DHX37: variants seen among roughly 807,000 people sequenced by gnomAD.
DHX37 encodes DEAH-box helicase 37.
DHX37 carries 52 observed loss-of-function variants against 134.3 expected under a neutral mutation model. That is an observed-to-expected ratio of 0.39 (90% confidence interval 0.31 to 0.49). The LOEUF (loss-of-function observed/expected upper bound fraction) is 0.49, where lower values mean the gene tolerates loss of function less well. DHX37 is among the 20% of genes least tolerant of loss of function. The pLI is 0.93. For synonymous variants in DHX37, 634 were observed against 670.7 expected (o/e 0.95, Z 0.85); for missense variants, 1,344 against 1,580.8 (o/e 0.85, Z 2.54).
chr12:124,982,730 A>G (rs865928474), intron 2 of DHX37, 107 bp from the exon 3 acceptor site: 1 of 1,457,654 alleles, frequency 6.9e-7, no homozygotes, highest in South Asian at 1.3e-5. Flanking sequence ...TGGAGTCTTT[A>G]AAATCGGCGG....
intron 7 of DHX37, among the ~76,000 whole-genome samples, chr12:124,971,681 C>T (rs1254434251): frequency 6.6e-6 from 1 of 152,214 alleles, no homozygotes; most frequent in Non-Finnish European, 1.5e-5. Flanking sequence ...ACTGCCACCC[C>T]CAGGAGTCCC....
intron 13 of DHX37, 53 bp downstream of exon 13, chr12:124,965,615 A>G: frequency 6.5e-7 from 1 of 1,530,958 alleles, no homozygotes; most frequent in Middle Eastern, 2.0e-4. Context: ...CTCTGGGCAC[A>G]TCCTCAGGGC....
rs781320646 is a variant in DHX37, at chr12:124,957,105, A to AG, written c.2187dup (p.Ser730LeufsTer57). On this transcript the variant is annotated frameshift_variant, in exon 17 of 27. Coordinates refer to ENST00000308736, the MANE Select transcript of DHX37 (RefSeq NM_032656.4). LOFTEE classifies it high-confidence loss of function. ...TCGGCGGCAAGAAGGGCTTCCACGG[A>AG]GGGGGGCGTCGGGAAGGGGAAGTTG... 2 of 1,496,410 alleles carry AG rather than the reference A, an allele frequency of 1.3e-6. No individual in the cohort carries two copies. Among genetic ancestry groups the AG allele is most frequent in the Non-Finnish European group, 1.8e-6 (2 of 1,126,350 alleles). 92.7% of individuals were successfully genotyped at this position (1,496,410 alleles called of 1,614,324 possible).
chr12:124,965,673 T>A lies in DHX37; in HGVS notation c.1730A>T (p.Asp577Val). ...AATCGGTGCTCGGGCCACACCTCCA[T>A]CTTGCCCGCCATCCCCCAGGTCCAG... ...LDLDLGDGGQ[D>V]GGEQPDASLP... Residue 577 changes from aspartate to valine, a missense_variant, in exon 13 of 27, where the codon GAT (aspartate) becomes GTT (valine). Around this residue, in one of 7 missense-constraint regions of DHX37, gnomAD observed 289 missense variants for 323.8 expected, o/e 0.89. Coordinates refer to ENST00000308736, the MANE Select transcript of DHX37 (RefSeq NM_032656.4). 2 of 1,607,214 alleles carry A rather than the reference T, an allele frequency of 1.2e-6. No individual in the cohort carries two copies. Among genetic ancestry groups the A allele is most frequent in the Non-Finnish European group, 8.5e-7 (1 of 1,176,080 alleles).
intron 1 of DHX37, among the ~76,000 whole-genome samples, 179 bp downstream of exon 1, chr12:124,988,738 T>G (rs1246873224): frequency 6.6e-6 from 1 of 151,942 alleles, no homozygotes; most frequent in Non-Finnish European, 1.5e-5. Context: ...TATACACTGT[T>G]AAAACTAGGC....
chr12:124,968,482 G>A (rs1242518126), intron 10 of DHX37, 52 bp downstream of exon 10: 4 of 1,599,000 alleles, frequency 2.5e-6, no homozygotes, highest in African/African-American at 1.3e-5. Flanking sequence ...CGTGCTTTCA[G>A]CGAGGGTTTA....
intron 3 of DHX37, among the ~76,000 whole-genome samples, chr12:124,981,430 G>A (rs977904181): frequency 1.3e-5 from 2 of 152,154 alleles, no homozygotes; most frequent in African/African-American, 4.8e-5. Flanking sequence ...TGGCCGGATC[G>A]TCCAACTAGT....
chr12:124,984,362 G>A (rs570195642), intron 2 of DHX37, among the ~76,000 whole-genome samples: 55 of 152,092 alleles, frequency 3.6e-4, no homozygotes, highest in Non-Finnish European at 6.9e-4. Context: ...GAGAAACCCT[G>A]TCTCTATTAA....
chr12:124,968,501 G>C, intron 10 of DHX37, 33 bp downstream of exon 10: 2 of 1,607,726 alleles, frequency 1.2e-6, no homozygotes, highest in Non-Finnish European at 1.7e-6. Context: ...TAGGAAGGGA[G>C]GCTTCTTTCC....
intron 21 of DHX37, among the ~76,000 whole-genome samples, chr12:124,952,019 C>G (rs1953985745): frequency 6.6e-6 from 1 of 151,942 alleles, no homozygotes; most frequent in Non-Finnish European, 1.5e-5. Context: ...GGTGGTGTGC[C>G]CCCTGCAGTC....
In DHX37 at chr12:124,948,060, C is replaced by G. The variant is rs781254824; in HGVS notation, c.3388+24G>C. On this transcript the variant is annotated intron_variant, in intron 26 of 26. Transcript: ENST00000308736. ...AGTGACCCCATCCTGTCTACTCCCA[C>G]CCCCTGGCCCTGGTCAAACTCACAT... The G allele has an allele frequency of 5.0e-6, 8 of 1,614,116 alleles. No homozygotes were observed. In the East Asian group the frequency reaches 1.6e-4, roughly 31 times the overall value.
Position 124,968,535 on chromosome 12 carries a change from T to G in DHX37, c.1407A>C (p.Ala469=). 6.2e-7 allele frequency: 1 copy of G among 1,612,958 alleles called. No homozygotes were observed. Among genetic ancestry groups the G allele is most frequent in the Non-Finnish European group, 8.5e-7 (1 of 1,180,026 alleles). The change falls in exon 10 of 27, where the codon GCA becomes GCC. Residue 469 remains alanine (A), a splice_region_variant and synonymous_variant. Coordinates refer to ENST00000308736, the MANE Select transcript of DHX37 (RefSeq NM_032656.4). ...KVCKIHRMLP[A]GGILVFLTGQ... is the part of the protein sequence containing the mutation. The stretch of plus-strand genomic sequence containing the variant: ...CCCCTGACCTGGCCAGGGCCTCACC[T>G]GCGGGCAGCATCCGGTGGATCTTGC...
At chr12:124,975,041 G>A (rs564065022) in intron 6 of DHX37, among the ~76,000 whole-genome samples, 10 of 152,306 alleles carry the variant, frequency 6.6e-5, no homozygotes, top group African/African-American at 2.2e-4. Flanking sequence ...CTCCCAAAGC[G>A]CTGGAATTAC....
intron 11 of DHX37, 122 bp downstream of exon 11, chr12:124,967,001 G>A: frequency 6.6e-7 from 1 of 1,526,214 alleles, no homozygotes. Context: ...TGAGGTGGGG[G>A]ATGGCAAAGG....
chr12:124,965,638 C>T, intron 13 of DHX37, 30 bp downstream of exon 13: 1 of 1,576,768 alleles, frequency 6.3e-7, no homozygotes, highest in Non-Finnish European at 8.6e-7. Context: ...AGATAATGAA[C>T]ATGAGCAGGA....
intron 16 of DHX37, among the ~76,000 whole-genome samples, chr12:124,959,034 C>T (rs1954167518): frequency 1.3e-5 from 2 of 149,898 alleles, no homozygotes; most frequent in Admixed American, 1.3e-4. Context: ...CTCAGCCTCC[C>T]AAGTAGCTGG....
rs752264986 is a variant in DHX37 at position 124,964,391 on chromosome 12, C to T, written c.2045+3G>A. 1.9e-6 allele frequency: 3 copies of T among 1,612,848 alleles called. No individual in the cohort carries two copies. The highest frequency in any genetic ancestry group is 1.7e-5 in the Admixed American group (1 of 59,890). On this transcript the variant is annotated splice_donor_region_variant and intron_variant, in intron 15 of 26. Coordinates refer to ENST00000308736, the MANE Select transcript of DHX37 (RefSeq NM_032656.4). The stretch of plus-strand genomic sequence containing the variant: ...TCCCTGAGGAGGAGCCTGGGTGACC[C>T]ACCTGTAGCAGTGGCCGGGCTCCGT...
intron 3 of DHX37, among the ~76,000 whole-genome samples, chr12:124,981,582 G>A (rs752906098): frequency 1.4e-4 from 22 of 152,114 alleles, no homozygotes; most frequent in Non-Finnish European, 2.8e-4. Flanking sequence ...CCACAGGCAT[G>A]AGCCACCATG....
chr12:124,970,496 C>A (rs951097994), intron 8 of DHX37, among the ~76,000 whole-genome samples: 1 of 152,190 alleles, frequency 6.6e-6, no homozygotes, highest in Non-Finnish European at 1.5e-5. Flanking sequence ...GACTTCTCCT[C>A]GCTCTGCAAT....
Sources: gnomAD v4.1 joint callset for allele counts (sites outside exome capture counted in the v4.1 genomes callset) on GRCh38, gnomAD v4.1.1 for gene constraint, gnomAD v4.1.1 regional missense constraint, MANE v1.5 for transcripts, NCBI Gene and HGNC (gene_info 2026-07-23, HGNC 2026-07-21) for gene names.